The following SYNE2 variants were observed in gnomAD, a reference collection of about 807,000 sequenced individuals.
SYNE2 encodes the protein nesprin-2.
Under a neutral mutation model 856.3 loss-of-function variants are expected in SYNE2, and 431 were observed. The ratio of observed to expected loss-of-function variants is 0.50; its 90% CI spans 0.47 to 0.55. SYNE2 has a LOEUF of 0.55. Ranked by LOEUF, SYNE2 falls within the 20% of genes least tolerant of loss-of-function variation. The pLI is 0.00. For missense variants in SYNE2, 8,129 were observed against 8,023.2 expected (o/e 1.01, Z -0.50); for synonymous variants, 2,923 against 2,872.3 (o/e 1.02, Z -0.56).
chr14:63,807,677 T>G (rs952681175), intron 1 of SYNE2, among the ~76,000 whole-genome samples: 1 of 149,560 alleles, frequency 6.7e-6, no homozygotes, highest in African/African-American at 2.4e-5. Flanking sequence ...TACCATTTTT[T>G]TTTTTGAAAC....
chr14:64,223,399 T>G lies in SYNE2; in HGVS notation c.20382+19T>G, dbSNP rs1411472030. The G allele has an allele frequency of 6.2e-7, 1 of 1,612,964 alleles. No homozygotes were observed. Among genetic ancestry groups the G allele is most frequent in the South Asian group, 1.1e-5 (1 of 90,762 alleles). On this transcript the variant is annotated intron_variant, in intron 113 of 115. Coordinates refer to ENST00000555002, the MANE Select transcript of SYNE2 (RefSeq NM_182914.3). ...AACCCAGGTGAGTCTACTTGTAGCTTTTAACTGTAAAGATTGCCGTATTAC... is the reference window on the plus strand; with the variant it reads ...AACCCAGGTGAGTCTACTTGTAGCTGTTAACTGTAAAGATTGCCGTATTAC...
rs772092387 is a variant in SYNE2 at position 64,214,412 on chromosome 14, G to C, written c.19275G>C (p.Val6425=). ...IPLEWDHTGD[V]GGSSSHEEDE... ...TGGAGTGGGACCACACAGGCGACGT[G>C]GGGGGCTCCTCCTCTCACGAAGAGG... is the stretch of plus-strand genomic sequence containing the variant. The change falls in exon 106 of 116, where the codon GTG becomes GTC. Residue 6425 remains valine (V), a synonymous_variant. Transcript: ENST00000555002. The C allele has an allele frequency of 7.4e-6, 12 of 1,613,946 alleles. No homozygotes were observed. The African/African-American group carries it at 9.3e-5, about 13-fold the overall frequency.
At chr14:64,208,180 T>C (rs774844416) in intron 100 of SYNE2, 25 of 455,848 alleles carry the variant, frequency 5.5e-5, no homozygotes, top group Middle Eastern at 3.2e-4. Flanking sequence ...ACTTTATCAG[T>C]TGGGGAGGCA....
chr14:64,049,478 T>C (rs2097209225), intron 46 of SYNE2, 133 bp from the exon 47 acceptor site: 2 of 619,908 alleles, frequency 3.2e-6, no homozygotes, highest in Admixed American at 6.3e-5. Flanking sequence ...GTTACAACTT[T>C]AGTTACCCTG....
rs1490987551 is a variant in SYNE2, at chr14:64,000,498, A to T, written c.3481-64A>T. 3.5e-6 allele frequency: 5 copies of T among 1,440,824 alleles called. No individual in the cohort carries two copies. The Admixed American group carries it at 5.2e-5, about 15-fold the overall frequency. 89.3% of individuals were successfully genotyped at this position (1,440,824 alleles called of 1,614,324 possible). Reference sequence around the variant, plus strand: ...CAGTTGGTGAATGTCTCATGTTTTAAGAACAGAATAATTGTGTCTATTAAC... The same window carrying T: ...CAGTTGGTGAATGTCTCATGTTTTATGAACAGAATAATTGTGTCTATTAAC... On this transcript the variant is annotated intron_variant, in intron 27 of 115. Transcript: ENST00000555002.
At chr14:64,098,850 T>C in intron 63 of SYNE2, 29 bp downstream of exon 63, 1 of 1,609,020 alleles carries the variant, frequency 6.2e-7, no homozygotes, top group Non-Finnish European at 8.5e-7. Context: ...TTGTTAAAGT[T>C]TGTTAGAACC....
chr14:64,203,270 T>C (rs1327644441), intron 100 of SYNE2, among the ~76,000 whole-genome samples: 4 of 152,226 alleles, frequency 2.6e-5, no homozygotes, highest in Non-Finnish European at 4.4e-5. Context: ...GTTTTGTTAA[T>C]ATAGTTTTGA....
chr14:63,806,272 CA>C lies in SYNE2; in HGVS notation c.-305+44289del, dbSNP rs1312026379. The stretch of plus-strand genomic sequence containing the variant: ...TTTGTATTTAGCTCTGTTTACGTCA[CA>C]AATTACATTTGTTGATTTGTGTGTG... On this transcript the variant is annotated intron_variant, in intron 1 of 23. Coordinates refer to the SYNE2 transcript ENST00000674003. 5.3e-5 allele frequency among the ~76,000 whole-genome samples: 8 copies of C among 152,278 alleles called. No homozygotes were observed. The East Asian group carries it at 5.8e-4, about 11-fold the overall frequency.
At chr14:63,948,732 G>A (rs74199415) in intron 6 of SYNE2, among the ~76,000 whole-genome samples, 8,403 of 58,926 alleles carry the variant, frequency 0.14, 1,103 homozygotes, top group African/African-American at 0.24. Context: ...GTATATATAT[G>A]TGTATAGATA....
intron 105 of SYNE2, among the ~76,000 whole-genome samples, chr14:64,213,722 C>T (rs1215087923): frequency 2.6e-5 from 4 of 151,924 alleles, no homozygotes; most frequent in Non-Finnish European, 5.9e-5. Context: ...CTGAAAGAGA[C>T]GTTATGACAC....
In SYNE2 at chr14:64,052,028, A is replaced by G; in HGVS notation, c.8115A>G (p.Gly2705=). The change falls in exon 48 of 116, where the codon GGA becomes GGG. Residue 2705 remains glycine, a synonymous_variant. Transcript: ENST00000555002. ...AAGAAAAGAAGAATTTGGAGGATGG[A>G]ATAAATAACTTGAAGAAACAATGGG... ...GEKEKKNLED[G]INNLKKQWET... 1 of 1,613,862 alleles carries G rather than the reference A, an allele frequency of 6.2e-7. No homozygotes were observed. Among genetic ancestry groups the G allele is most frequent in the Non-Finnish European group, 8.5e-7 (1 of 1,179,986 alleles).
chr14:63,786,182 G>A (rs556091201), intron 1 of SYNE2, among the ~76,000 whole-genome samples: 11 of 151,824 alleles, frequency 7.2e-5, no homozygotes, highest in South Asian at 2.1e-4. Context: ...CCCAGGAGGC[G>A]GAGTTTGCAG....
At chr14:63,864,285 C>T (rs909330196) in intron 1 of SYNE2, 1 of 152,210 alleles carries the variant, frequency 6.6e-6, no homozygotes, top group Admixed American at 6.5e-5. Flanking sequence ...AGTCTTTGTA[C>T]ATTTTTCTTT....
In SYNE2 at chr14:63,860,411, C is replaced by T. The variant is rs570564977; in HGVS notation, c.-52+7268C>T. On this transcript the variant is annotated intron_variant, in intron 1 of 115. Coordinates refer to ENST00000555002, the MANE Select transcript of SYNE2 (RefSeq NM_182914.3). ...TTGACATTTTCCAGACCCTGAGAAACGTTGAGTTGAAAGATAAGTGTGAAA... is the reference window on the plus strand; with the variant it reads ...TTGACATTTTCCAGACCCTGAGAAATGTTGAGTTGAAAGATAAGTGTGAAA... Among the ~76,000 whole-genome samples, 3 of 152,264 alleles carry T rather than the reference C, an allele frequency of 2.0e-5. No homozygotes were observed. The East Asian group carries it at 5.8e-4, about 29-fold the overall frequency.
Position 64,208,914 on chromosome 14 carries a change from A to T in SYNE2, c.18358A>T (p.Ile6120Phe). Residue 6120 changes from isoleucine to phenylalanine, a missense_variant, in exon 101 of 116, where the codon ATT (isoleucine) becomes TTT (phenylalanine). By Grantham distance (21) the Ile-to-Phe change is conservative. Around this residue, in one of 3 missense-constraint regions of SYNE2, gnomAD observed 5,410 missense variants for 5,284.8 expected, o/e 1.02. Transcript: ENST00000555002. Reference sequence around the variant, plus strand: ...GAGCCTGGACAGACGCTGGAGGAACATTTGTGCCATGTCCATGGAGCGGCG... The same window carrying T: ...GAGCCTGGACAGACGCTGGAGGAACTTTTGTGCCATGTCCATGGAGCGGCG... ...TRSLDRRWRN[I>F]CAMSMERRMK... 1 of 1,614,152 alleles carries T rather than the reference A, an allele frequency of 6.2e-7. No individual in the cohort carries two copies.
At chr14:64,202,119 G>T (rs1481624784) in intron 99 of SYNE2, 1 of 693,820 alleles carries the variant, frequency 1.4e-6, no homozygotes, top group East Asian at 2.7e-5. Context: ...AGCTGAGGCA[G>T]ACTGGCGAGG....
At chr14:64,219,874 A>G (rs1168278311) in intron 110 of SYNE2, among the ~76,000 whole-genome samples, 3 of 152,168 alleles carry the variant, frequency 2.0e-5, no homozygotes, top group Non-Finnish European at 4.4e-5. Context: ...TTATGCAATT[A>G]GGATGTGTCA....
In SYNE2 at chr14:64,032,566, T is replaced by TTTGTTG. The variant is rs57794503; in HGVS notation, c.7221+1228_7221+1233dup. On this transcript the variant is annotated intron_variant, in intron 45 of 115. Coordinates refer to ENST00000555002, the MANE Select transcript of SYNE2 (RefSeq NM_182914.3). ...GACAGAGTGAGACCCTATCTCTAATTTTGTTGTTGTTGTTGTTGTTGTTGA... is the reference window on the plus strand; with the variant it reads ...GACAGAGTGAGACCCTATCTCTAATTTTGTTGTTGTTGTTGTTGTTGTTGTTGTTGA... Among the ~76,000 whole-genome samples, 382 of 149,860 alleles carry TTTGTTG rather than the reference T, an allele frequency of 2.5e-3. 1 individual carries two copies. Among genetic ancestry groups the TTTGTTG allele is most frequent in the South Asian group, 7.7e-3 (36 of 4,672 alleles).
chr14:63,896,389 G>A lies in SYNE2; in HGVS notation c.-51-12709G>A, dbSNP rs541623970. 9.8e-5 allele frequency among the ~76,000 whole-genome samples: 15 copies of A among 152,320 alleles called. No individual in the cohort carries two copies. In the East Asian group the frequency reaches 2.9e-3, roughly 29 times the overall value. ...TTAATAAAAGCAGTTCTCTGAAGGG[G>A]TAGAACAATGCAGTTCAGGTTCATG... is the stretch of plus-strand genomic sequence containing the variant. On this transcript the variant is annotated intron_variant, in intron 1 of 115. Transcript: ENST00000555002.
Sources: allele counts gnomAD v4.1 joint callset (sites outside exome capture counted in the v4.1 genomes callset), GRCh38; gene constraint gnomAD v4.1.1; regional missense constraint gnomAD v4.1.1; transcripts MANE v1.5; gene names NCBI Gene and HGNC (gene_info 2026-07-23, HGNC 2026-07-21).